The following GABRA3 variants were observed in gnomAD, a reference collection of about 807,000 sequenced individuals.
GABRA3 encodes the protein gamma-aminobutyric acid receptor subunit alpha-3.
In GABRA3, 10 loss-of-function variants were observed where a neutral mutation model predicts 30.1. The observed-to-expected ratio is 0.33, with a 90% CI of 0.20 to 0.56. The LOEUF (loss-of-function observed/expected upper bound fraction) is 0.56, where lower values mean the gene tolerates loss of function less well. Ranked by LOEUF, GABRA3 falls within the 20% of genes least tolerant of loss-of-function variation. The pLI, the probability that GABRA3 is intolerant of heterozygous loss-of-function variation, is 0.89. For synonymous variants in GABRA3, 151 were observed against 146.8 expected (o/e 1.03, Z -0.21); for missense variants, 233 against 392.0 (o/e 0.59, Z 3.42).
At chrX:152,249,989 T>G (rs1383665766) in intron 5 of GABRA3, among the ~76,000 whole-genome samples, 1 of 110,999 alleles carries the variant, frequency 9.0e-6, no homozygotes, top group Non-Finnish European at 1.9e-5. Flanking sequence ...AAGCATGGAT[T>G]TTCTGATGCA....
chrX:152,293,641 A>T (rs1939467370), intron 3 of GABRA3, among the ~76,000 whole-genome samples: 1 of 111,612 alleles, frequency 9.0e-6, no homozygotes, highest in Admixed American at 9.5e-5. Flanking sequence ...AACAAACAAT[A>T]GTTTGTGTGA....
At chrX:152,415,689 C>T (rs940383172) in intron 1 of GABRA3, among the ~76,000 whole-genome samples, 12 of 111,080 alleles carry the variant, frequency 1.1e-4, no homozygotes, top group African/African-American at 3.6e-4. Flanking sequence ...ATTGTACTAC[C>T]GTCATTATCA....
chrX:152,445,698 G>T (rs1931071291), intron 1 of GABRA3, among the ~76,000 whole-genome samples: 1 of 111,097 alleles, frequency 9.0e-6, no homozygotes, highest in Admixed American at 9.6e-5. Context: ...CTTACAGCTT[G>T]GAGGCTCTTT....
intron 2 of GABRA3, among the ~76,000 whole-genome samples, chrX:152,346,834 G>A (rs1940399731): frequency 9.0e-6 from 1 of 111,553 alleles, no homozygotes. Flanking sequence ...CAAAAGACAG[G>A]AAATAACAAA....
At chrX:152,185,287 T>A (rs1397898532) in intron 9 of GABRA3, among the ~76,000 whole-genome samples, 1 of 111,774 alleles carries the variant, frequency 8.9e-6, no homozygotes, top group Non-Finnish European at 1.9e-5. Flanking sequence ...TCTCATAATA[T>A]GCTTCTTGAG....
intron 3 of GABRA3, among the ~76,000 whole-genome samples, chrX:152,326,385 C>A (rs1461612858): frequency 9.0e-6 from 1 of 110,674 alleles, no homozygotes; most frequent in Non-Finnish European, 1.9e-5. Flanking sequence ...GAAGAGCAAC[C>A]CCAAGACACA....
intron 4 of GABRA3, among the ~76,000 whole-genome samples, chrX:152,270,748 G>A (rs749343830): frequency 3.7e-5 from 4 of 109,248 alleles, no homozygotes; most frequent in Admixed American, 2.0e-4. Context: ...CCAGCTACTT[G>A]GGAGGCTGAG....
intron 1 of GABRA3, among the ~76,000 whole-genome samples, chrX:152,446,527 A>G (rs752889026): frequency 2.3e-4 from 25 of 109,099 alleles, no homozygotes; most frequent in Non-Finnish European, 4.6e-4. Context: ...TAGCCTTCAC[A>G]TAAGGTTCAT....
At chrX:152,429,969 T>C (rs898412835) in intron 1 of GABRA3, among the ~76,000 whole-genome samples, 1 of 112,430 alleles carries the variant, frequency 8.9e-6, no homozygotes, top group African/African-American at 3.2e-5. Context: ...AGATTAAGTA[T>C]AGAAAACTAA....
At chrX:152,279,013 C>T (rs1939146107) in intron 4 of GABRA3, among the ~76,000 whole-genome samples, 2 of 111,478 alleles carry the variant, frequency 1.8e-5, no homozygotes, top group African/African-American at 6.5e-5. Context: ...GATATTAGCC[C>T]TTTGTCAGAT....
rs747531045 is a variant in GABRA3 at position 152,197,624 on chromosome X, A to G, written c.931+9T>C. ...GACTTTCCCCTACGCTCCATAAATTATCACTCACCAAAGACTGTACGGGCA... is the reference window on the plus strand; with the variant it reads ...GACTTTCCCCTACGCTCCATAAATTGTCACTCACCAAAGACTGTACGGGCA... On this transcript the variant is annotated intron_variant, in intron 8 of 9. Coordinates refer to ENST00000370314, the MANE Select transcript of GABRA3 (RefSeq NM_000808.4). The G allele has an allele frequency of 5.9e-6, 7 of 1,190,233 alleles. No individual in the cohort carries two copies. The highest frequency in any genetic ancestry group is 5.3e-5 in the African/African-American group (3 of 56,594).
At chrX:152,255,130 T>TAC (rs1008155086) in intron 5 of GABRA3, among the ~76,000 whole-genome samples, 5 of 111,161 alleles carry the variant, frequency 4.5e-5, no homozygotes, top group South Asian at 7.5e-4. Flanking sequence ...TATCTATATA[T>TAC]ACACACACAC....
chrX:152,260,282 C>G (rs1196414399), intron 4 of GABRA3, among the ~76,000 whole-genome samples: 1 of 111,718 alleles, frequency 9.0e-6, no homozygotes, highest in Non-Finnish European at 1.9e-5. Context: ...GATGGCATGT[C>G]TAGATCTGCC....
chrX:152,241,125 G>A (rs767806339), intron 5 of GABRA3, among the ~76,000 whole-genome samples: 2,401 of 104,517 alleles, frequency 0.023, 42 homozygotes, highest in Middle Eastern at 0.061. Context: ...CCATCTTTGT[G>A]GTTTTATCTA....
At chrX:152,187,569 A>G (rs1455994972) in intron 9 of GABRA3, among the ~76,000 whole-genome samples, 1 of 111,791 alleles carries the variant, frequency 8.9e-6, no homozygotes, top group Non-Finnish European at 1.9e-5. Flanking sequence ...ACATGCACAC[A>G]GACACCTGTA....
At chrX:152,444,407 A>G (rs1297696584) in intron 1 of GABRA3, among the ~76,000 whole-genome samples, 2 of 112,072 alleles carry the variant, frequency 1.8e-5, no homozygotes, top group Non-Finnish European at 3.8e-5. Context: ...AACAGCAATT[A>G]CACAGTATAG....
intron 5 of GABRA3, 149 bp downstream of exon 5, chrX:152,255,629 G>A (rs11797668): frequency 0.1 from 49,016 of 471,925 alleles, 1,848 homozygotes; most frequent in South Asian, 0.13. Context: ...GAGTATGTAT[G>A]CATGCAATTG....
intron 1 of GABRA3, among the ~76,000 whole-genome samples, chrX:152,444,129 C>T (rs904761866): frequency 1.8e-5 from 2 of 110,197 alleles, no homozygotes; most frequent in African/African-American, 3.3e-5. Context: ...CAGGAAAAAA[C>T]AATGTAATGG....
intron 4 of GABRA3, among the ~76,000 whole-genome samples, chrX:152,269,049 T>A (rs1034679074): frequency 3.6e-5 from 4 of 112,130 alleles, no homozygotes; most frequent in African/African-American, 1.3e-4. Context: ...TTCAGACTTG[T>A]TTTGTTGCCT....
Sources: allele counts gnomAD v4.1 joint callset (sites outside exome capture counted in the v4.1 genomes callset), GRCh38; gene constraint gnomAD v4.1.1; transcripts MANE v1.5; gene names NCBI Gene and HGNC (gene_info 2026-07-23, HGNC 2026-07-21).